Variants in PC observed in about 807,000 individuals in gnomAD.
PC encodes pyruvate carboxylase, also known as pyruvate carboxylase, mitochondrial.
Under a neutral mutation model 107.8 loss-of-function variants are expected in PC, and 46 were observed. The ratio of observed to expected loss-of-function variants is 0.43; its 90% CI spans 0.34 to 0.55. The LOEUF (loss-of-function observed/expected upper bound fraction) is 0.55. Among genes scored for constraint, PC ranks in the 20% least tolerant of loss-of-function variants. PC has a pLI of 0.04. For synonymous variants in PC, 662 were observed against 684.7 expected, an observed-to-expected ratio of 0.97 and a Z score of 0.52; for missense variants, 1,241 against 1,643.1, an observed-to-expected ratio of 0.76 and a Z score of 4.23.
intron 3 of PC, among the ~76,000 whole-genome samples, chr11:66,881,444 G>A (rs1278781408): frequency 6.6e-6 from 1 of 152,226 alleles, no homozygotes; most frequent in African/African-American, 2.4e-5. Flanking sequence ...TTCCCTCCCA[G>A]CTTCAGCTTC....
At chr11:66,927,495 G>A (rs776530513) in intron 3 of PC, among the ~76,000 whole-genome samples, 1 of 151,926 alleles carries the variant, frequency 6.6e-6, no homozygotes, top group Non-Finnish European at 1.5e-5. Context: ...GCTGAGGTGG[G>A]TGGATTGCCT....
intron 1 of PC, among the ~76,000 whole-genome samples, chr11:66,956,711 C>A (rs1332547940): frequency 1.3e-5 from 2 of 152,236 alleles, no homozygotes; most frequent in East Asian, 3.8e-4. Context: ...CTCACCTCCT[C>A]CACGAAGCCT....
At chr11:66,942,124 C>G (rs1454294042) in intron 3 of PC, among the ~76,000 whole-genome samples, 1 of 147,300 alleles carries the variant, frequency 6.8e-6, no homozygotes, top group Non-Finnish European at 1.5e-5. Context: ...AAATGCTGGG[C>G]GCGGTGGCTC....
intron 3 of PC, among the ~76,000 whole-genome samples, chr11:66,925,255 AG>A (rs1281784972): frequency 1.3e-5 from 2 of 152,200 alleles, no homozygotes; most frequent in Admixed American, 1.3e-4. Flanking sequence ...AAAATTTATT[AG>A]GCGGGAATTT....
At chr11:66,917,377 AC>A (rs1354661682) in intron 3 of PC, among the ~76,000 whole-genome samples, 24 of 152,288 alleles carry the variant, frequency 1.6e-4, no homozygotes, top group African/African-American at 5.8e-4. Flanking sequence ...CCTGGTCCCC[AC>A]TTAGAAATGT....
intron 3 of PC, among the ~76,000 whole-genome samples, chr11:66,920,217 G>A (rs1948561216): frequency 6.6e-6 from 1 of 152,138 alleles, no homozygotes; most frequent in Non-Finnish European, 1.5e-5. Flanking sequence ...CCAACACGAT[G>A]AATCCAGCTG....
chr11:66,850,953 G>T, intron 17 of PC, 30 bp from the exon 18 acceptor site: 1 of 1,606,600 alleles, frequency 6.2e-7, no homozygotes, highest in Non-Finnish European at 8.5e-7. Context: ...GAGAGAGAGA[G>T]ATGGTAGAGA....
chr11:66,906,225 C>T (rs1054756678), intron 3 of PC, among the ~76,000 whole-genome samples: 1 of 152,158 alleles, frequency 6.6e-6, no homozygotes, highest in Non-Finnish European at 1.5e-5. Context: ...TTCATTCAGT[C>T]ACTTCTGAAC....
chr11:66,929,447 A>C (rs895193748), intron 3 of PC, among the ~76,000 whole-genome samples: 1 of 152,032 alleles, frequency 6.6e-6, no homozygotes, highest in Admixed American at 6.6e-5. Flanking sequence ...GCTCACTGCA[A>C]CTTCTCTCTC....
rs1946665266 is a variant in PC at position 66,870,223 on chromosome 11, C to T, written c.903+79G>A. The T allele has an allele frequency of 3.8e-6, 6 of 1,572,048 alleles. No individual in the cohort carries two copies. The East Asian group carries it at 1.3e-4, about 35-fold the overall frequency. On this transcript the variant is annotated intron_variant, in intron 9 of 22. Transcript: ENST00000393960. The surrounding 1 kb of genome is among the most constrained non-coding windows in gnomAD (Gnocchi z 6.1). The stretch of plus-strand genomic sequence containing the variant: ...CAGAAGGGGACTCAGGGTCCCCTTC[C>T]CCAACCAGCGCCCCACTGTGAGGCC...
chr11:66,944,004 G>A (rs1321986814), intron 3 of PC, among the ~76,000 whole-genome samples: 3 of 144,356 alleles, frequency 2.1e-5, no homozygotes, highest in Non-Finnish European at 4.5e-5. Flanking sequence ...ACAAAAGGCC[G>A]GGCACAGTGG....
At chr11:66,861,693 C>T (rs947115933) in intron 12 of PC, among the ~76,000 whole-genome samples, 3 of 152,140 alleles carry the variant, frequency 2.0e-5, no homozygotes, top group Non-Finnish European at 4.4e-5. Context: ...AGGGCTGCCA[C>T]GCTGGGCGCT....
chr11:66,867,877 C>A (rs1360674327), intron 10 of PC, among the ~76,000 whole-genome samples: 1 of 152,244 alleles, frequency 6.6e-6, no homozygotes, highest in Non-Finnish European at 1.5e-5. Flanking sequence ...GCCACAGCAG[C>A]CACCCCGACA....
At position 66,852,360 on chromosome 11, in the gene PC, C is replaced by A; in HGVS notation, c.1825+79G>T. ...TTCGTGTCAGCGTCTCTAGCTTGTC[C>A]CCAGTGGCCTAAGCCTGTGGGACTG... is the stretch of plus-strand genomic sequence containing the variant. On this transcript the variant is annotated intron_variant, in intron 15 of 22. Transcript: ENST00000393960. The surrounding 1 kb of genome is among the most constrained non-coding windows in gnomAD (Gnocchi z 4.7). 8.6e-7 allele frequency: 1 copy of A among 1,161,108 alleles called. No homozygotes were observed. Among genetic ancestry groups the A allele is most frequent in the Non-Finnish European group, 1.3e-6 (1 of 770,160 alleles). The allele number at this position is 1,161,108 out of a possible 1,614,324, so 71.9% of individuals were successfully genotyped here. A position where few individuals can be genotyped will look rare whatever the true frequency, so the allele number is the denominator to read the frequency against.
intron 3 of PC, among the ~76,000 whole-genome samples, chr11:66,914,274 G>A (rs1948413959): frequency 6.6e-6 from 1 of 152,208 alleles, no homozygotes; most frequent in African/African-American, 2.4e-5. Flanking sequence ...CACTTTGGGA[G>A]GCCGAGGTGG....
intron 3 of PC, among the ~76,000 whole-genome samples, chr11:66,914,411 C>G (rs1948417408): frequency 6.6e-6 from 1 of 151,736 alleles, no homozygotes; most frequent in Non-Finnish European, 1.5e-5. Flanking sequence ...ACTAGGGAGG[C>G]TGAGGCAGGA....
Position 66,852,065 on chromosome 11 carries a change from C to T in PC, c.1826-119G>A, listed in dbSNP as rs1945531979. On this transcript the variant is annotated intron_variant, in intron 15 of 22. Coordinates refer to ENST00000393960, the MANE Select transcript of PC (RefSeq NM_001040716.2). This position sits in a 1 kb window ranked among gnomAD's most constrained non-coding sequence, Gnocchi z 4.7. ...CAATACCAGGTCCTGCTCATCTTCG[C>T]CATACCTGTGTTCCCTGCTCCAACC... The T allele has an allele frequency of 1.9e-6, 2 of 1,048,002 alleles. No homozygotes were observed. The highest frequency in any genetic ancestry group is 2.9e-6 in the Non-Finnish European group (2 of 699,376). 64.9% of individuals were successfully genotyped at this position (1,048,002 alleles called of 1,614,324 possible). A position where few individuals can be genotyped will look rare whatever the true frequency, so the allele number is the denominator to read the frequency against.
At chr11:66,911,422 A>C (rs1370195918) in intron 3 of PC, among the ~76,000 whole-genome samples, 1 of 138,824 alleles carries the variant, frequency 7.2e-6, no homozygotes, top group African/African-American at 2.7e-5. Flanking sequence ...CAGCCTGGAC[A>C]AAAAAAAAAA....
intron 3 of PC, among the ~76,000 whole-genome samples, chr11:66,951,230 G>A (rs1949428656): frequency 6.6e-6 from 1 of 152,172 alleles, no homozygotes; most frequent in South Asian, 2.1e-4. Context: ...AGTTGTCCCT[G>A]AGCCACAAAG....
Sources: gnomAD v4.1 joint callset for allele counts (sites outside exome capture counted in the v4.1 genomes callset) on GRCh38, gnomAD v4.1.1 for gene constraint, Gnocchi (gnomAD v3.1) non-coding constraint, MANE v1.5 for transcripts, NCBI Gene and HGNC (gene_info 2026-07-23, HGNC 2026-07-21) for gene names.